STKLD1: variants seen among roughly 807,000 people sequenced by gnomAD.
STKLD1 encodes the protein serine/threonine kinase like domain containing 1.
A neutral mutation model predicts 80.4 loss-of-function variants in STKLD1; 79 were observed. The ratio of observed to expected loss-of-function variants is 0.98; its 90% CI spans 0.82 to 1.19. The LOEUF (loss-of-function observed/expected upper bound fraction) is 1.19. Among genes scored for constraint, STKLD1 ranks in the 50% most tolerant of loss-of-function variants. The pLI is 0.00. For missense variants in STKLD1, 841 were observed against 856.0 expected (o/e 0.98, Z 0.22); for synonymous variants, 393 against 357.6 (o/e 1.10, Z -1.12).
intron 2 of STKLD1, 25 bp from the exon 3 acceptor site, chr9:133,383,831 A>G: frequency 6.2e-7 from 1 of 1,613,264 alleles, no homozygotes; most frequent in Non-Finnish European, 8.5e-7. Flanking sequence ...ATGTTTATTA[A>G]GCTCATGCTC....
intron 13 of STKLD1, 75 bp downstream of exon 13, chr9:133,401,953 T>C: frequency 1.9e-6 from 3 of 1,575,476 alleles, no homozygotes; most frequent in Non-Finnish European, 2.6e-6. Flanking sequence ...AAGGGTTGGT[T>C]TGGGGTATAG....
intron 12 of STKLD1, among the ~76,000 whole-genome samples, chr9:133,401,143 C>CT (rs5901013): frequency 0.027 from 3,710 of 137,960 alleles, 147 homozygotes; most frequent in African/African-American, 0.087. Context: ...TATTTAGTTA[C>CT]TTTTTTTTTT....
intron 17 of STKLD1, 132 bp from the exon 18 acceptor site, chr9:133,405,120 C>A: frequency 1.5e-6 from 2 of 1,317,506 alleles, no homozygotes; most frequent in Non-Finnish European, 2.1e-6. Context: ...ACGCTTGGGG[C>A]TCCGGAACTG....
intron 5 of STKLD1, among the ~76,000 whole-genome samples, chr9:133,388,526 T>C (rs1021063390): frequency 6.6e-6 from 1 of 152,172 alleles, no homozygotes; most frequent in Non-Finnish European, 1.5e-5. Flanking sequence ...GGATTACAGA[T>C]GTGAGCCGCC....
intron 7 of STKLD1, among the ~76,000 whole-genome samples, chr9:133,393,467 T>C (rs201866085): frequency 5.7e-5 from 7 of 123,460 alleles, no homozygotes; most frequent in Admixed American, 3.9e-4. Flanking sequence ...GGATGGATGG[T>C]TGGGTGGGTA....
chr9:133,404,127 G>A, intron 16 of STKLD1, 79 bp downstream of exon 16: 7 of 1,462,940 alleles, frequency 4.8e-6, no homozygotes, highest in Non-Finnish European at 6.4e-6. Flanking sequence ...TCTGCCAGGT[G>A]CCACAAACCA....
At chr9:133,387,579 G>C (rs1838293359) in intron 5 of STKLD1, 31 bp downstream of exon 5, 2 of 1,571,394 alleles carry the variant, frequency 1.3e-6, no homozygotes, top group Middle Eastern at 1.7e-4. Context: ...AGGCCTGGGG[G>C]CCACCTAGAC....
chr9:133,394,363 C>T lies in STKLD1; in HGVS notation c.656C>T (p.Ser219Phe), dbSNP rs781880285. ...FSFSQKSDIW[S>F]LGCIILDMTS... ...TTCAGCCAGAAATCAGACATCTGGTCCCTGGGCTGCATCATTCTGGACATG... is the reference window on the plus strand; with the variant it reads ...TTCAGCCAGAAATCAGACATCTGGTTCCTGGGCTGCATCATTCTGGACATG... Residue 219 changes from serine (S) to phenylalanine (F), a missense_variant, in exon 8 of 18, where the codon TCC becomes TTC. Physicochemically the swap from Ser to Phe is radical, Grantham distance 155 (BLOSUM62 -2). Transcript: ENST00000371957. The surrounding 1 kb of genome is among the most constrained non-coding windows in gnomAD (Gnocchi z 4.9). The T allele has an allele frequency of 6.2e-7, 1 of 1,613,894 alleles. No individual in the cohort carries two copies. Among genetic ancestry groups the T allele is most frequent in the Non-Finnish European group, 8.5e-7 (1 of 1,179,904 alleles).
intron 2 of STKLD1, among the ~76,000 whole-genome samples, chr9:133,381,131 CTTTTTTT>C (rs35031853): frequency 4.3e-5 from 3 of 69,166 alleles, no homozygotes; most frequent in Non-Finnish European, 7.8e-5. Flanking sequence ...TACGATGTAA[CTTTTTTT>C]TTTTTTTTTT....
intron 9 of STKLD1, among the ~76,000 whole-genome samples, chr9:133,396,401 G>A (rs1369529266): frequency 1.3e-5 from 2 of 152,236 alleles, no homozygotes; most frequent in Admixed American, 6.5e-5. Flanking sequence ...TCTCGCCACT[G>A]CACTTCAGCC....
At position 133,380,038 on chromosome 9, in the gene STKLD1, C is replaced by CT. The variant is rs2130262526; in HGVS notation, c.174+926dup. ...GACTGCCCTCTGAGCAGTTAAGGAG[C>CT]TTTTTTTTTTGTTTGGAGATGGAGT... On this transcript the variant is annotated intron_variant, in intron 2 of 17. Transcript: ENST00000371957. Among the ~76,000 whole-genome samples, 176 of 149,236 alleles carry CT rather than the reference C, an allele frequency of 1.2e-3. 1 individual carries two copies. The highest frequency in any genetic ancestry group is 3.8e-3 in the African/African-American group (157 of 40,806).
intron 4 of STKLD1, among the ~76,000 whole-genome samples, chr9:133,386,861 C>T (rs113865309): frequency 2.0e-5 from 3 of 152,346 alleles, no homozygotes; most frequent in African/African-American, 4.8e-5. Flanking sequence ...CACCTGGGGC[C>T]AACAATCCCG....
chr9:133,386,449 G>A (rs2130277576), intron 4 of STKLD1, among the ~76,000 whole-genome samples: 4 of 152,220 alleles, frequency 2.6e-5, no homozygotes, highest in Admixed American at 6.5e-5. Context: ...ACAGCCACCC[G>A]ACACCGGTGC....
intron 8 of STKLD1, 42 bp from the exon 9 acceptor site, chr9:133,395,558 T>G: frequency 1.9e-6 from 3 of 1,580,984 alleles, no homozygotes; most frequent in Non-Finnish European, 2.6e-6. Flanking sequence ...CTAGTTTTCA[T>G]TTACTTAAGG....
At chr9:133,399,251 C>T (rs1321711005) in intron 11 of STKLD1, among the ~76,000 whole-genome samples, 1 of 152,180 alleles carries the variant, frequency 6.6e-6, no homozygotes, top group Non-Finnish European at 1.5e-5. Flanking sequence ...TCCATCCATC[C>T]ACCCATCCAC....
rs200682924 is a variant in STKLD1, at chr9:133,397,969, C to T, written c.998-3C>T. 2 of 1,613,046 alleles carry T rather than the reference C, an allele frequency of 1.2e-6. No homozygotes were observed. The highest frequency in any genetic ancestry group is 1.7e-6 in the Non-Finnish European group (2 of 1,179,612). On this transcript the variant is annotated splice_region_variant and splice_polypyrimidine_tract_variant and intron_variant, in intron 10 of 17. Coordinates refer to ENST00000371957, the MANE Select transcript of STKLD1 (RefSeq NM_153710.5). ...TCCCTCCCCTGCCTTCCTGTCCCTG[C>T]AGAGGTCATGCAGAAATTCTCTGGC... is the stretch of plus-strand genomic sequence containing the variant.
intron 17 of STKLD1, 89 bp from the exon 18 acceptor site, chr9:133,405,163 G>A: frequency 1.4e-6 from 2 of 1,474,026 alleles, no homozygotes; most frequent in Admixed American, 4.4e-5. Context: ...AGCCCAAGGG[G>A]GAATGTGACC....
rs1838492805 is a variant in STKLD1, at chr9:133,394,038, C to G, written c.584-253C>G. 2.0e-6 allele frequency: 1 copy of G among 504,746 alleles called. No homozygotes were observed. The highest frequency in any genetic ancestry group is 3.3e-5 in the Admixed American group (1 of 30,532). 31.3% of individuals were successfully genotyped at this position (504,746 alleles called of 1,614,324 possible). On this transcript the variant is annotated intron_variant, in intron 7 of 17. Coordinates refer to ENST00000371957, the MANE Select transcript of STKLD1 (RefSeq NM_153710.5). The surrounding 1 kb of genome is among the most constrained non-coding windows in gnomAD (Gnocchi z 4.9). ...CAGACACACCACCTATATGGGCCAGCCTGGTGGGCACCCACCAAGATGGAC... is the reference window on the plus strand; with the variant it reads ...CAGACACACCACCTATATGGGCCAGGCTGGTGGGCACCCACCAAGATGGAC...
intron 4 of STKLD1, among the ~76,000 whole-genome samples, chr9:133,386,890 C>T (rs1042245347): frequency 3.3e-5 from 5 of 152,208 alleles, no homozygotes; most frequent in African/African-American, 9.7e-5. Context: ...CAGGAAAGGC[C>T]CCTCACACGC....
Sources: gnomAD v4.1 joint callset for allele counts (sites outside exome capture counted in the v4.1 genomes callset) on GRCh38, gnomAD v4.1.1 for gene constraint, Gnocchi (gnomAD v3.1) non-coding constraint, MANE v1.5 for transcripts, NCBI Gene and HGNC (gene_info 2026-07-23, HGNC 2026-07-21) for gene names.